Variants in ZSCAN2 observed in about 807,000 individuals in gnomAD.
The protein encoded by ZSCAN2 is zinc finger and SCAN domain-containing protein 2.
In ZSCAN2, 26 loss-of-function variants were observed where a neutral mutation model predicts 47.8. The ratio of observed to expected loss-of-function variants is 0.54; its 90% CI spans 0.40 to 0.75. The LOEUF is 0.75. ZSCAN2 is among the 30% of genes least tolerant of loss of function. The pLI is 0.00. For synonymous variants in ZSCAN2, 305 were observed against 288.7 expected (o/e 1.06, Z -0.57); for missense variants, 732 against 785.4 (o/e 0.93, Z 0.81).
In ZSCAN2 at chr15:84,621,893, C is replaced by T; in HGVS notation, c.1698C>T (p.Gly566=). ...KPYRCPECGK[G]FSWNSVLIIH... ...ACAGGTGCCCTGAGTGTGGGAAAGGCTTTAGCTGGAACTCAGTCCTCATTA... is the reference window on the plus strand; with the variant it reads ...ACAGGTGCCCTGAGTGTGGGAAAGGTTTTAGCTGGAACTCAGTCCTCATTA... Residue 566 remains glycine (G), a synonymous_variant, in exon 3 of 3, where the codon GGC becomes GGT. Coordinates refer to ENST00000546148, the MANE Select transcript of ZSCAN2 (RefSeq NM_181877.4). This position sits in a 1 kb window ranked among gnomAD's most constrained non-coding sequence, Gnocchi z 5.7. The T allele has an allele frequency of 2.5e-6, 4 of 1,614,166 alleles. No homozygotes were observed. The highest frequency in any genetic ancestry group is 3.4e-6 in the Non-Finnish European group (4 of 1,180,034).
At position 84,622,406 on chromosome 15, in the gene ZSCAN2, G is replaced by GTC; in HGVS notation, c.*367_*368dup. On this transcript the variant is annotated 3_prime_UTR_variant, in exon 3 of 3. Transcript: ENST00000546148. The stretch of plus-strand genomic sequence containing the variant: ...CAGCATGGCCCACAACGTGGGCCGA[G>GTC]TCCTCAGAGAAATACTGGAAATCAT... 1.7e-6 allele frequency: 1 copy of GTC among 588,712 alleles called. No homozygotes were observed. The highest frequency in any genetic ancestry group is 2.2e-5 in the South Asian group (1 of 44,992). 36.5% of individuals were successfully genotyped at this position (588,712 alleles called of 1,614,324 possible).
chr15:84,619,926 G>GTTT lies in ZSCAN2; in HGVS notation c.407-676_407-675insTTT, dbSNP rs1567012471. On this transcript the variant is annotated intron_variant, in intron 2 of 2. Coordinates refer to ENST00000546148, the MANE Select transcript of ZSCAN2 (RefSeq NM_181877.4). ...AGTCAGAATGAAATAAGCCTGGGTT[G>GTTT]GTTTTTTTTTTTTTTTTTTTCCATC... Among the ~76,000 whole-genome samples the GTTT allele has an allele frequency of 1.7e-4, 5 of 28,666 alleles. 1 individual carries two copies. Among genetic ancestry groups the GTTT allele is most frequent in the Non-Finnish European group, 3.1e-4 (4 of 12,820 alleles). The allele number at this position is 28,666 out of a possible 152,430, so 18.8% of individuals were successfully genotyped here.
Position 84,620,889 on chromosome 15 carries a change from A to G in ZSCAN2, c.694A>G (p.Ser232Gly), listed in dbSNP as rs750994886. 1 of 1,614,100 alleles carries G rather than the reference A, an allele frequency of 6.2e-7. No individual in the cohort carries two copies. The highest frequency in any genetic ancestry group is 1.3e-5 in the African/African-American group (1 of 74,930). Residue 232 changes from serine to glycine, a missense_variant, in exon 3 of 3, where the codon AGC (serine) becomes GGC (glycine). Around this residue, in one of 2 missense-constraint regions of ZSCAN2, gnomAD observed 412 missense variants for 498.0 expected, o/e 0.83. Transcript: ENST00000546148. ...YECPQCGKTF[S>G]RKSHLITHER... The stretch of plus-strand genomic sequence containing the variant: ...ATGTCCCCAGTGTGGGAAGACCTTC[A>G]GCCGGAAATCCCACCTCATCACACA...
chr15:84,618,847 A>G (rs929217256), intron 2 of ZSCAN2, among the ~76,000 whole-genome samples: 3 of 151,978 alleles, frequency 2.0e-5, no homozygotes, highest in African/African-American at 7.2e-5. Flanking sequence ...TACAGGCGTG[A>G]GCCACCATGC....
At position 84,620,919 on chromosome 15, in the gene ZSCAN2, A is replaced by C; in HGVS notation, c.724A>C (p.Arg242=). The part of the protein sequence containing the change: ...SRKSHLITHE[R]THTGEKYYKC... ...GAAATCCCACCTCATCACACACGAGAGGACCCACACAGGAGAGAAATACTA... is the reference window on the plus strand; with the variant it reads ...GAAATCCCACCTCATCACACACGAGCGGACCCACACAGGAGAGAAATACTA... The change falls in exon 3 of 3, where the codon AGG becomes CGG. Residue 242 remains arginine, a synonymous_variant. Coordinates refer to ENST00000546148, the MANE Select transcript of ZSCAN2 (RefSeq NM_181877.4). 1 of 1,614,200 alleles carries C rather than the reference A, an allele frequency of 6.2e-7. No individual in the cohort carries two copies. Among genetic ancestry groups the C allele is most frequent in the African/African-American group, 1.3e-5 (1 of 75,058 alleles).
At chr15:84,614,779 C>G (rs1384085634) in intron 2 of ZSCAN2, 1 of 151,860 alleles carries the variant, frequency 6.6e-6, no homozygotes, top group Non-Finnish European at 1.5e-5. Context: ...GCCACCACAC[C>G]CAGCCTGAAT....
intron 2 of ZSCAN2, among the ~76,000 whole-genome samples, chr15:84,605,594 G>C (rs1232725991): frequency 6.6e-6 from 1 of 152,200 alleles, no homozygotes; most frequent in African/African-American, 2.4e-5. Flanking sequence ...GAGTTTGGGG[G>C]AAGGGTGGGT....
rs1895821239 is a variant in ZSCAN2, at chr15:84,621,725, C to T, written c.1530C>T (p.Cys510=). The change falls in exon 3 of 3, where the codon TGC becomes TGT. Residue 510 remains cysteine, a synonymous_variant. Coordinates refer to ENST00000546148, the MANE Select transcript of ZSCAN2 (RefSeq NM_181877.4). This position sits in a 1 kb window ranked among gnomAD's most constrained non-coding sequence, Gnocchi z 5.7. ...ACAAATGCAGCGAGTGTGGGAAATG[C>T]TTCAGCCAGCGCTCCCAGCTCGTAG... ...KPYKCSECGK[C]FSQRSQLVVH... 6.2e-7 allele frequency: 1 copy of T among 1,614,228 alleles called. No individual in the cohort carries two copies. The highest frequency in any genetic ancestry group is 8.5e-7 in the Non-Finnish European group (1 of 1,180,030).
At chr15:84,612,284 C>T (rs1369047679) in intron 2 of ZSCAN2, 1 of 152,362 alleles carries the variant, frequency 6.6e-6, no homozygotes, top group Non-Finnish European at 1.5e-5. Context: ...TGAAGAACTG[C>T]CAACCTTCCT....
chr15:84,603,530 G>A (rs1195723301), intron 1 of ZSCAN2, among the ~76,000 whole-genome samples: 3 of 151,842 alleles, frequency 2.0e-5, no homozygotes, highest in South Asian at 4.2e-4. Context: ...CACCACGCCC[G>A]GCTAATTTTT....
chr15:84,622,562 TG>T lies in ZSCAN2; in HGVS notation c.*525del, dbSNP rs35373066. The stretch of plus-strand genomic sequence containing the variant: ...ATCTGCTCTTCTGGCTTTGGTGTCT[TG>T]GGCTTTGATTTCAGGTCAAGATGGA... On this transcript the variant is annotated 3_prime_UTR_variant, in exon 3 of 3. Transcript: ENST00000546148. 1 of 714,756 alleles carries T rather than the reference TG, an allele frequency of 1.4e-6. No homozygotes were observed. Among genetic ancestry groups the T allele is most frequent in the Non-Finnish European group, 2.6e-6 (1 of 383,828 alleles). 44.3% of individuals were successfully genotyped at this position (714,756 alleles called of 1,614,324 possible). A position where few individuals can be genotyped will look rare whatever the true frequency, so the allele number is the denominator to read the frequency against.
intron 2 of ZSCAN2, chr15:84,616,697 A>T: frequency 9.6e-7 from 1 of 1,040,856 alleles, no homozygotes; most frequent in Non-Finnish European, 1.2e-6. Context: ...AATGTTACCT[A>T]TTCAATTACT....
At chr15:84,614,279 T>G (rs1895636783) in intron 2 of ZSCAN2, 1 of 152,064 alleles carries the variant, frequency 6.6e-6, no homozygotes, top group Non-Finnish European at 1.5e-5. Flanking sequence ...AGCAATAATC[T>G]TATCTTTTTT....
At chr15:84,619,613 C>T (rs4842984) in intron 2 of ZSCAN2, among the ~76,000 whole-genome samples, 152,287 of 152,296 alleles carry the variant, frequency 1, 76,139 homozygotes, top group Non-Finnish European at 1. Context: ...AGATACATGT[C>T]AATACAAGAA....
chr15:84,621,223 T>C lies in ZSCAN2; in HGVS notation c.1028T>C (p.Phe343Ser). ...TCGTGCCCCGAGTGTGGAAAGAGCTTTGGCAACCGATCCAGCCTTAACACG... is the reference window on the plus strand; with the variant it reads ...TCGTGCCCCGAGTGTGGAAAGAGCTCTGGCAACCGATCCAGCCTTAACACG... The part of the protein sequence containing the change: ...PYSCPECGKS[F>S]GNRSSLNTHQ... The change falls in exon 3 of 3, where the codon TTT (phenylalanine) becomes TCT (serine). Residue 343 changes from phenylalanine (F) to serine (S), a missense_variant. Phe to Ser is a radical substitution (Grantham distance 155). Transcript: ENST00000546148. This position sits in a 1 kb window ranked among gnomAD's most constrained non-coding sequence, Gnocchi z 5.7. The C allele has an allele frequency of 6.2e-7, 1 of 1,613,806 alleles. No individual in the cohort carries two copies. Among genetic ancestry groups the C allele is most frequent in the Non-Finnish European group, 8.5e-7 (1 of 1,179,944 alleles).
Position 84,622,520 on chromosome 15 carries a change from C to T in ZSCAN2, c.*480C>T, listed in dbSNP as rs2141803573. The stretch of plus-strand genomic sequence containing the variant: ...CAAGCTGTTAGTGTTCCAGGGCACC[C>T]CAAGCTGTCAGTTAGAATCTGCTCT... On this transcript the variant is annotated 3_prime_UTR_variant, in exon 3 of 3. Coordinates refer to ENST00000546148, the MANE Select transcript of ZSCAN2 (RefSeq NM_181877.4). The T allele has an allele frequency of 1.5e-6, 1 of 682,338 alleles. No individual in the cohort carries two copies. The highest frequency in any genetic ancestry group is 2.2e-5 in the Admixed American group (1 of 45,632). The allele number at this position is 682,338 out of a possible 1,614,324, so 42.3% of individuals were successfully genotyped here. A position where few individuals can be genotyped will look rare whatever the true frequency, so the allele number is the denominator to read the frequency against.
rs16974948 is a variant in ZSCAN2 at position 84,616,665 on chromosome 15, A to T, written c.407-3937A>T. On this transcript the variant is annotated intron_variant, in intron 2 of 2. Coordinates refer to ENST00000546148, the MANE Select transcript of ZSCAN2 (RefSeq NM_181877.4). The stretch of plus-strand genomic sequence containing the variant: ...AGCTAACCAGTTCTGATTTTAAAAC[A>T]GCAAAAACAGCCTTATTAGCTAATG... The T allele has an allele frequency of 2.4e-3, 2,622 of 1,109,518 alleles. 51 individuals are homozygous for T. In the African/African-American group the frequency reaches 0.038, roughly 16 times the overall value. 68.7% of individuals were successfully genotyped at this position (1,109,518 alleles called of 1,614,324 possible). A position where few individuals can be genotyped will look rare whatever the true frequency, so the allele number is the denominator to read the frequency against.
intron 2 of ZSCAN2, among the ~76,000 whole-genome samples, chr15:84,604,738 C>CTTTTTTT (rs11459006): frequency 1.3e-4 from 17 of 128,996 alleles, no homozygotes; most frequent in South Asian, 5.0e-4. Flanking sequence ...TTTCTTTTTT[C>CTTTTTTT]TTTTTTTTTT....
At chr15:84,606,719 C>T in intron 2 of ZSCAN2, 1 of 1,438,500 alleles carries the variant, frequency 7.0e-7, no homozygotes, top group Non-Finnish European at 9.1e-7. Context: ...CAGCCCTTCC[C>T]ATCCACCTTG....
Sources: gnomAD v4.1 joint callset for allele counts (sites outside exome capture counted in the v4.1 genomes callset) on GRCh38, gnomAD v4.1.1 for gene constraint, gnomAD v4.1.1 regional missense constraint, Gnocchi (gnomAD v3.1) non-coding constraint, MANE v1.5 for transcripts, NCBI Gene and HGNC (gene_info 2026-07-23, HGNC 2026-07-21) for gene names.